STAT3: variants seen among roughly 807,000 people sequenced by gnomAD.
STAT3 encodes signal transducer and activator of transcription 3, also known as DNA-binding protein APRF.
In STAT3, 7 loss-of-function variants were observed where a neutral mutation model predicts 114.3. The ratio of observed to expected loss-of-function variants is 0.06; its 90% CI spans 0.03 to 0.11. The LOEUF (loss-of-function observed/expected upper bound fraction) is 0.11, where lower values mean the gene tolerates loss of function less well. Ranked by LOEUF, STAT3 falls within the 10% of genes least tolerant of loss-of-function variation. The probability of loss-of-function intolerance (pLI) is 1.00; values close to 1 mark genes in which losing one functional copy is unlikely to be tolerated. For synonymous variants in STAT3, 331 were observed against 354.5 expected (o/e 0.93, Z 0.74); for missense variants, 364 against 960.9 (o/e 0.38, Z 8.21).
chr17:42,318,907 C>G (rs2081354164), intron 21 of STAT3, among the ~76,000 whole-genome samples: 1 of 152,188 alleles, frequency 6.6e-6, no homozygotes, highest in African/African-American at 2.4e-5. Flanking sequence ...CCTTAGGGAG[C>G]TGACACCCTA....
rs1324348602 is a variant in STAT3, at chr17:42,388,233, CG to C, written c.-24+45del. ...AGGCCCCCTGCCGCTGCGGAGCCCC[CG>C]GGTCCCCAGGCCTCCCCAACGGCCC... On this transcript the variant is annotated intron_variant, in intron 1 of 23. Coordinates refer to ENST00000264657, the MANE Select transcript of STAT3 (RefSeq NM_139276.3). The C allele has an allele frequency of 3.2e-6, 4 of 1,231,416 alleles. No homozygotes were observed. The African/African-American group carries it at 6.2e-5, about 19-fold the overall frequency. The allele number at this position is 1,231,416 out of a possible 1,614,324, so 76.3% of individuals were successfully genotyped here.
chr17:42,367,755 A>G (rs1229737408), intron 1 of STAT3, among the ~76,000 whole-genome samples: 1 of 152,178 alleles, frequency 6.6e-6, no homozygotes, highest in Non-Finnish European at 1.5e-5. Flanking sequence ...TCAACTAGGA[A>G]CTTAAGCCCC....
intron 8 of STAT3, among the ~76,000 whole-genome samples, chr17:42,334,961 TAA>T (rs1015928402): frequency 1.3e-5 from 2 of 152,144 alleles, no homozygotes; most frequent in African/African-American, 4.8e-5. Context: ...TCTATGAACA[TAA>T]AGACTCAGAA....
intron 1 of STAT3, among the ~76,000 whole-genome samples, chr17:42,385,978 A>G (rs2085078959): frequency 6.6e-6 from 1 of 152,042 alleles, no homozygotes; most frequent in Non-Finnish European, 1.5e-5. Flanking sequence ...GTTCAGATAT[A>G]TGTTAGAATT....
intron 1 of STAT3, among the ~76,000 whole-genome samples, chr17:42,382,837 G>T (rs1224083897): frequency 6.6e-6 from 1 of 151,670 alleles, no homozygotes; most frequent in Non-Finnish European, 1.5e-5. Flanking sequence ...TAGTAGAGGC[G>T]GAGTTTCACC....
intron 1 of STAT3, among the ~76,000 whole-genome samples, chr17:42,373,537 C>T (rs1486472380): frequency 6.6e-6 from 1 of 151,474 alleles, no homozygotes; most frequent in Non-Finnish European, 1.5e-5. Flanking sequence ...GGTGACAGAG[C>T]GAGACTCTGC....
chr17:42,341,104 T>C lies in STAT3; in HGVS notation c.373-1695A>G, dbSNP rs539749197. On this transcript the variant is annotated intron_variant, in intron 4 of 23. Transcript: ENST00000264657. ...CTAGTTTTACCAACAATACAGCTGA[T>C]GTTTTAACCTTCATTCCTTTCTCAT... 9.3e-4 allele frequency among the ~76,000 whole-genome samples: 141 copies of C among 152,330 alleles called. 2 individuals carry two copies. The highest frequency in any genetic ancestry group is 3.0e-3 in the African/African-American group (123 of 41,570).
intron 4 of STAT3, among the ~76,000 whole-genome samples, chr17:42,344,868 A>T (rs900302382): frequency 1.3e-5 from 2 of 150,466 alleles, no homozygotes; most frequent in Admixed American, 6.6e-5. Context: ...TTAGGTTTTG[A>T]TATGAGGATT....
At chr17:42,339,701 T>C (rs912121412) in intron 4 of STAT3, among the ~76,000 whole-genome samples, 3 of 152,260 alleles carry the variant, frequency 2.0e-5, no homozygotes, top group East Asian at 1.9e-4. Flanking sequence ...AAACAATTTA[T>C]GACAGCAGAT....
At chr17:42,318,381 C>G (rs2081335488) in intron 21 of STAT3, among the ~76,000 whole-genome samples, 1 of 152,218 alleles carries the variant, frequency 6.6e-6, no homozygotes, top group African/African-American at 2.4e-5. Flanking sequence ...TCTGCCTCAC[C>G]CTCCCAAAGT....
intron 1 of STAT3, among the ~76,000 whole-genome samples, chr17:42,384,141 T>A (rs556087188): frequency 1.4e-3 from 208 of 150,478 alleles, no homozygotes; most frequent in African/African-American, 4.8e-3. Context: ...TATTTTTTTT[T>A]TTTTTGAGAC....
chr17:42,315,969 G>C, intron 23 of STAT3, 169 bp from the exon 24 acceptor site: 3 of 1,499,088 alleles, frequency 2.0e-6, no homozygotes, highest in Non-Finnish European at 2.7e-6. Context: ...CCTCCCTGGA[G>C]GACCCTGCCT....
chr17:42,317,301 C>G, intron 21 of STAT3, 77 bp from the exon 22 acceptor site: 3 of 1,512,662 alleles, frequency 2.0e-6, no homozygotes, highest in East Asian at 2.3e-5. Context: ...AGCCATCTGC[C>G]TCGGCAGGAC....
chr17:42,354,965 A>G (rs976941508), intron 1 of STAT3, among the ~76,000 whole-genome samples: 7 of 152,172 alleles, frequency 4.6e-5, no homozygotes, highest in African/African-American at 1.7e-4. Context: ...TCAAGGAGAG[A>G]ATATGCAAAT....
At chr17:42,331,339 G>C (rs1051322936) in intron 11 of STAT3, 133 bp downstream of exon 11, 7 of 805,126 alleles carry the variant, frequency 8.7e-6, no homozygotes, top group Admixed American at 5.1e-5. Flanking sequence ...GCACCCCAAG[G>C]CTTTTGAAAA....
intron 1 of STAT3, among the ~76,000 whole-genome samples, chr17:42,357,467 T>A (rs2083282966): frequency 6.6e-6 from 1 of 151,628 alleles, no homozygotes; most frequent in South Asian, 2.1e-4. Flanking sequence ...AGGTCAGGAG[T>A]TCGAGACCAG....
At position 42,345,451 on chromosome 17, in the gene STAT3, T is replaced by C. The variant is rs17880808; in HGVS notation, c.372+108A>G. 1,295 of 961,350 alleles carry C rather than the reference T, an allele frequency of 1.3e-3. 2 individuals are homozygous for C. The highest frequency in any genetic ancestry group is 2.9e-3 in the Admixed American group (138 of 48,214). 59.6% of individuals were successfully genotyped at this position (961,350 alleles called of 1,614,324 possible). On this transcript the variant is annotated intron_variant, in intron 4 of 23. Transcript: ENST00000264657. ...GTATTTTTATGATTATTGATCTATTTAATTTCTTTTCCTTCTTTTTTAGTA... is the reference window on the plus strand; with the variant it reads ...GTATTTTTATGATTATTGATCTATTCAATTTCTTTTCCTTCTTTTTTAGTA...
chr17:42,323,543 T>TTCCCAC, intron 18 of STAT3, 30 bp downstream of exon 18: 1 of 1,613,078 alleles, frequency 6.2e-7, no homozygotes. Flanking sequence ...AGCATTCCCA[T>TTCCCAC]TCCCACGAGA....
At position 42,346,926 on chromosome 17, in the gene STAT3, T is replaced by C. The variant is rs17885741; in HGVS notation, c.129-213A>G. Among the ~76,000 whole-genome samples, 53,618 of 151,970 alleles carry C rather than the reference T, an allele frequency of 0.35. 9,694 individuals are homozygous for C. The highest frequency in any genetic ancestry group is 0.46 in the South Asian group (2,226 of 4,828). On this transcript the variant is annotated intron_variant, in intron 2 of 23. Transcript: ENST00000264657. ...ATTCCAGGCCAGGCATGGTGGCTCA[T>C]GCCTGTAATCCCAGCACTTTGGGAG...
Sources: allele counts gnomAD v4.1 joint callset (sites outside exome capture counted in the v4.1 genomes callset), GRCh38; gene constraint gnomAD v4.1.1; transcripts MANE v1.5; gene names NCBI Gene and HGNC (gene_info 2026-07-23, HGNC 2026-07-21).